Variants in ILKAP observed in about 807,000 individuals in gnomAD.
ILKAP encodes integrin-linked kinase-associated serine/threonine phosphatase 2C.
ILKAP carries 11 observed loss-of-function variants against 49.1 expected under a neutral mutation model. The observed-to-expected ratio is 0.22, with a 90% CI of 0.14 to 0.37. The LOEUF (loss-of-function observed/expected upper bound fraction) is 0.37. ILKAP is among the 10% of genes least tolerant of loss of function. The pLI is 1.00. For synonymous variants in ILKAP, 186 were observed against 192.8 expected (o/e 0.96, Z 0.29); for missense variants, 363 against 510.8 (o/e 0.71, Z 2.79).
chr2:238,194,480 A>G, intron 2 of ILKAP, 149 bp from the exon 3 acceptor site: 1 of 673,378 alleles, frequency 1.5e-6, no homozygotes, highest in South Asian at 1.9e-5. Flanking sequence ...GCAATGAATA[A>G]TATCTTGAAC....
intron 1 of ILKAP, 93 bp from the exon 2 acceptor site, chr2:238,194,963 A>G (rs1182498418): frequency 1.1e-6 from 1 of 950,548 alleles, no homozygotes; most frequent in African/African-American, 1.6e-5. Flanking sequence ...CTGCTTTGAC[A>G]CAAGTTTGCT....
At position 238,176,762 on chromosome 2, in the gene ILKAP, T is replaced by G. The variant is rs559928983; in HGVS notation, c.837-3109A>C. Among the ~76,000 whole-genome samples, 168 of 152,394 alleles carry G rather than the reference T, an allele frequency of 1.1e-3. 2 individuals carry two copies. Among genetic ancestry groups the G allele is most frequent in the Middle Eastern group, 0.01 (3 of 294 alleles). ...AAAGGCAGCTGGAAGCTGCTTGGTC[T>G]TCAGCTCCTCTTGCATGTCAGTAAA... On this transcript the variant is annotated intron_variant, in intron 9 of 11. Coordinates refer to ENST00000254654, the MANE Select transcript of ILKAP (RefSeq NM_030768.3).
intron 8 of ILKAP, among the ~76,000 whole-genome samples, chr2:238,182,545 C>T (rs529218319): frequency 6.6e-6 from 1 of 152,324 alleles, no homozygotes; most frequent in East Asian, 1.9e-4. Flanking sequence ...GAGACATGTC[C>T]ATGAGCCTAT....
chr2:238,176,571 C>T (rs1454320891), intron 9 of ILKAP, among the ~76,000 whole-genome samples: 1 of 152,212 alleles, frequency 6.6e-6, no homozygotes, highest in Non-Finnish European at 1.5e-5. Flanking sequence ...CTGTTTTCTG[C>T]CAACCAGAAA....
chr2:238,183,756 T>C lies in ILKAP; in HGVS notation c.627-16A>G, dbSNP rs754268955. 1.9e-6 allele frequency: 3 copies of C among 1,597,740 alleles called. No individual in the cohort carries two copies. Among genetic ancestry groups the C allele is most frequent in the Non-Finnish European group, 2.6e-6 (3 of 1,168,008 alleles). ...GGCAGGCTTCCTGGGGGGAAACACATCAGAAACACAGTCACCACCAATAGC... is the reference window on the plus strand; with the variant it reads ...GGCAGGCTTCCTGGGGGGAAACACACCAGAAACACAGTCACCACCAATAGC... On this transcript the variant is annotated splice_polypyrimidine_tract_variant and intron_variant, in intron 7 of 11. Transcript: ENST00000254654.
intron 1 of ILKAP, among the ~76,000 whole-genome samples, chr2:238,198,946 C>G (rs1207197346): frequency 6.6e-6 from 1 of 152,066 alleles, no homozygotes; most frequent in Non-Finnish European, 1.5e-5. Context: ...GAGGTATTAT[C>G]AGAAAAAAGG....
chr2:238,185,197 G>A lies in ILKAP; in HGVS notation c.516C>T (p.Ile172=). The part of the protein sequence containing the change: ...FAAQNLHQNL[I]RKFPKGDVIS... ...CAGTCTCACCTTTAGGAAATTTTCT[G>A]ATTAAGTTTTGATGCAAATTCTGTG... The change falls in exon 6 of 12, where the codon ATC becomes ATT. Residue 172 remains isoleucine, a synonymous_variant. Coordinates refer to ENST00000254654, the MANE Select transcript of ILKAP (RefSeq NM_030768.3). 2 of 1,610,180 alleles carry A rather than the reference G, an allele frequency of 1.2e-6. No individual in the cohort carries two copies. The highest frequency in any genetic ancestry group is 1.7e-6 in the Non-Finnish European group (2 of 1,176,520).
At chr2:238,194,169 CTT>C in intron 3 of ILKAP, 104 bp downstream of exon 3, 1 of 935,694 alleles carries the variant, frequency 1.1e-6, no homozygotes, top group South Asian at 1.5e-5. Context: ...TGTATTATGA[CTT>C]AATGTCATCC....
rs1574816506 is a variant in ILKAP, at chr2:238,203,564, G to A, written c.-11C>T. On this transcript the variant is annotated 5_prime_UTR_variant, in exon 1 of 12. Transcript: ENST00000254654. The stretch of plus-strand genomic sequence containing the variant: ...CCCGAAGAGGTCCATGGCGGAGGCT[G>A]GGTGGAGGCGGCAGCAGCGACAGAC... 2.6e-6 allele frequency: 3 copies of A among 1,159,258 alleles called. No individual in the cohort carries two copies. Among genetic ancestry groups the A allele is most frequent in the Non-Finnish European group, 3.2e-6 (3 of 938,598 alleles). 71.8% of individuals were successfully genotyped at this position (1,159,258 alleles called of 1,614,324 possible). A position where few individuals can be genotyped will look rare whatever the true frequency, so the allele number is the denominator to read the frequency against.
intron 3 of ILKAP, 55 bp downstream of exon 3, chr2:238,194,220 A>G (rs540003003): frequency 1.7e-4 from 240 of 1,451,220 alleles, no homozygotes; most frequent in Non-Finnish European, 2.3e-4. Context: ...TTCACATAAG[A>G]GTAAAATACT....
At chr2:238,187,872 A>G (rs1357927652) in intron 5 of ILKAP, among the ~76,000 whole-genome samples, 1 of 152,152 alleles carries the variant, frequency 6.6e-6, no homozygotes, top group African/African-American at 2.4e-5. Flanking sequence ...CTGTGCTTCT[A>G]AGATGTTTAC....
In ILKAP at chr2:238,203,455, C is replaced by T. The variant is rs1279008730; in HGVS notation, c.55+44G>A. On this transcript the variant is annotated intron_variant, in intron 1 of 11. Coordinates refer to ENST00000254654, the MANE Select transcript of ILKAP (RefSeq NM_030768.3). The stretch of plus-strand genomic sequence containing the variant: ...CGGGCCTCAGGCCGCCCCCATCCCG[C>T]CTGCTCTCCCTTCCCTGGCCGGCCC... The T allele has an allele frequency of 6.8e-6, 8 of 1,178,170 alleles. No individual in the cohort carries two copies. The South Asian group carries it at 1.1e-4, about 16-fold the overall frequency. The allele number at this position is 1,178,170 out of a possible 1,614,324, so 73.0% of individuals were successfully genotyped here.
intron 9 of ILKAP, among the ~76,000 whole-genome samples, chr2:238,180,695 C>T (rs1693654426): frequency 6.6e-6 from 1 of 152,202 alleles, no homozygotes; most frequent in South Asian, 2.1e-4. Context: ...GAAGGAGTCA[C>T]CCAAAACCCA....
chr2:238,201,339 T>C (rs1020865712), intron 1 of ILKAP, among the ~76,000 whole-genome samples: 1 of 152,198 alleles, frequency 6.6e-6, no homozygotes, highest in African/African-American at 2.4e-5. Flanking sequence ...TTAGTACTTA[T>C]CCCTCTCAGC....
chr2:238,200,891 C>T (rs1469406882), intron 1 of ILKAP, among the ~76,000 whole-genome samples: 1 of 152,260 alleles, frequency 6.6e-6, no homozygotes, highest in Non-Finnish European at 1.5e-5. Context: ...CAGCACCATA[C>T]ATACTGTACT....
At chr2:238,182,246 C>T in intron 8 of ILKAP, 60 bp from the exon 9 acceptor site, 8 of 1,586,086 alleles carry the variant, frequency 5.0e-6, no homozygotes, top group South Asian at 2.3e-5. Flanking sequence ...CTAAAGGTAC[C>T]AGTTGAAAAA....
intron 10 of ILKAP, 100 bp downstream of exon 10, chr2:238,173,434 G>C: frequency 6.7e-7 from 1 of 1,484,560 alleles, no homozygotes; most frequent in Non-Finnish European, 9.2e-7. Flanking sequence ...CTAGCACCAT[G>C]CACACCTTCC....
At chr2:238,179,796 T>C (rs972601416) in intron 9 of ILKAP, among the ~76,000 whole-genome samples, 1 of 152,166 alleles carries the variant, frequency 6.6e-6, no homozygotes, top group African/African-American at 2.4e-5. Context: ...TTATAGGAAA[T>C]ATACAGAAAT....
chr2:238,172,353 G>A (rs952985817), intron 10 of ILKAP, among the ~76,000 whole-genome samples: 2 of 152,146 alleles, frequency 1.3e-5, no homozygotes, highest in South Asian at 2.1e-4. Context: ...CACCCAGCCT[G>A]TTTTCCTCGT....
Sources: allele counts gnomAD v4.1 joint callset (sites outside exome capture counted in the v4.1 genomes callset), GRCh38; gene constraint gnomAD v4.1.1; transcripts MANE v1.5; gene names NCBI Gene and HGNC (gene_info 2026-07-23, HGNC 2026-07-21).